DNAJC16: variants seen among roughly 807,000 people sequenced by gnomAD.
DNAJC16 encodes dnaJ homolog subfamily C member 16.
In DNAJC16, 76 loss-of-function variants were observed where a neutral mutation model predicts 92.7. The observed-to-expected ratio is 0.82, with a 90% CI of 0.68 to 0.99. The LOEUF (loss-of-function observed/expected upper bound fraction) is 0.99. Among genes scored for constraint, DNAJC16 ranks in the 50% least tolerant of loss-of-function variants. The pLI is 0.00. For synonymous variants in DNAJC16, 328 were observed against 358.7 expected (o/e 0.91, Z 0.97); for missense variants, 869 against 942.4 (o/e 0.92, Z 1.02).
At chr1:15,552,583 G>T (rs1156927780) in intron 7 of DNAJC16, among the ~76,000 whole-genome samples, 1 of 151,896 alleles carries the variant, frequency 6.6e-6, no homozygotes, top group Admixed American at 6.6e-5. Context: ...AATAATACAT[G>T]AGTAAAAGAT....
intron 13 of DNAJC16, 58 bp from the exon 14 acceptor site, chr1:15,567,041 A>G (rs1302166008): frequency 2.0e-6 from 3 of 1,519,074 alleles, no homozygotes; most frequent in Admixed American, 1.8e-5. Flanking sequence ...TTTCTTTTCA[A>G]AGTAACGGCT....
In DNAJC16 at chr1:15,555,660, C is replaced by T. The variant is rs541610027; in HGVS notation, c.1024-3866C>T. On this transcript the variant is annotated intron_variant, in intron 7 of 14. Coordinates refer to ENST00000375847, the MANE Select transcript of DNAJC16 (RefSeq NM_015291.4). ...TCACACCACTGCACTCCAGCCTGGG[C>T]GACAGAGTGAGACTCCGTCTCAAAA... is the stretch of plus-strand genomic sequence containing the variant. Among the ~76,000 whole-genome samples, 5 of 138,288 alleles carry T rather than the reference C, an allele frequency of 3.6e-5. No homozygotes were observed. In the South Asian group the frequency reaches 9.1e-4, roughly 25 times the overall value. 90.7% of individuals were successfully genotyped at this position (138,288 alleles called of 152,430 possible).
At chr1:15,528,449 AAAACACCAT>A (rs1474985933) in intron 1 of DNAJC16, among the ~76,000 whole-genome samples, 1 of 152,160 alleles carries the variant, frequency 6.6e-6, no homozygotes, top group African/African-American at 2.4e-5. Context: ...AAAAAACAAA[AAAACACCAT>A]ATTACTAATG....
In DNAJC16 at chr1:15,567,099, C is replaced by T. The variant is rs757645004; in HGVS notation, c.1779C>T (p.Ser593=). Residue 593 remains serine (S), a splice_region_variant and synonymous_variant, in exon 14 of 15, where the codon AGC becomes AGT. Coordinates refer to ENST00000375847, the MANE Select transcript of DNAJC16 (RefSeq NM_015291.4). ...TTAACTCCTCAATATTTCTCCACAG[C>T]AAGATTCCTAAAAAAGGCTTTGTGG... ...TEPSFTKENS[S]KIPKKGFVEV... The T allele has an allele frequency of 3.1e-6, 5 of 1,605,772 alleles. No individual in the cohort carries two copies. The African/African-American group carries it at 6.7e-5, about 21-fold the overall frequency.
chr1:15,549,816 T>TG (rs1638401212), intron 7 of DNAJC16, among the ~76,000 whole-genome samples: 1 of 77,944 alleles, frequency 1.3e-5, no homozygotes, highest in Non-Finnish European at 2.3e-5. Context: ...AGACTCCGTC[T>TG]CAAAAAAAAA....
In DNAJC16 at chr1:15,567,339, C is replaced by T. The variant is rs189929507; in HGVS notation, c.1949+70C>T. The T allele has an allele frequency of 1.4e-4, 204 of 1,497,246 alleles. 2 individuals carry two copies. The African/African-American group carries it at 1.8e-3, about 14-fold the overall frequency. The allele number at this position is 1,497,246 out of a possible 1,614,324, so 92.7% of individuals were successfully genotyped here. The stretch of plus-strand genomic sequence containing the variant: ...GAGAGGCAGGCACACTGAAATTGCA[C>T]GCTTTTCTCTTTGGTCTTGTGGGGC... On this transcript the variant is annotated intron_variant, in intron 14 of 14. Coordinates refer to ENST00000375847, the MANE Select transcript of DNAJC16 (RefSeq NM_015291.4).
At chr1:15,544,844 T>C (rs1011504294) in intron 5 of DNAJC16, among the ~76,000 whole-genome samples, 5 of 152,222 alleles carry the variant, frequency 3.3e-5, no homozygotes, top group Admixed American at 2.6e-4. Context: ...TACACTGTCA[T>C]AGGAATCTGA....
intron 13 of DNAJC16, 163 bp from the exon 14 acceptor site, chr1:15,566,936 C>G (rs1347098465): frequency 1.7e-6 from 1 of 576,092 alleles, no homozygotes; most frequent in Non-Finnish European, 3.0e-6. Context: ...CAGGGATTAC[C>G]AAGTCAGGCC....
chr1:15,555,074 T>A (rs543004430), intron 7 of DNAJC16, among the ~76,000 whole-genome samples: 75 of 149,392 alleles, frequency 5.0e-4, no homozygotes, highest in African/African-American at 1.7e-3. Flanking sequence ...GCAGAAAAAA[T>A]TTTTTTAAAA....
intron 1 of DNAJC16, among the ~76,000 whole-genome samples, chr1:15,527,523 A>G (rs549606119): frequency 1.1e-4 from 16 of 152,210 alleles, no homozygotes; most frequent in Non-Finnish European, 2.2e-4. Flanking sequence ...AAGGACGCTG[A>G]TGCTTAGTAA....
intron 7 of DNAJC16, among the ~76,000 whole-genome samples, chr1:15,558,917 G>A (rs990715810): frequency 2.0e-5 from 3 of 152,086 alleles, no homozygotes; most frequent in African/African-American, 7.2e-5. Context: ...TTTTCGTTTT[G>A]GGTTTTTGTT....
In DNAJC16 at chr1:15,539,269, G is replaced by A. The variant is rs367822672; in HGVS notation, c.574+2455G>A. Among the ~76,000 whole-genome samples the A allele has an allele frequency of 6.4e-4, 96 of 149,656 alleles. 1 individual carries two copies. In the South Asian group the frequency reaches 0.02, roughly 32 times the overall value. ...TTTTTTTTTTTTATTTTTTTGAGACGGAGGCTCTCTCTGTCGCCCAGGCTG... is the reference window on the plus strand; with the variant it reads ...TTTTTTTTTTTTATTTTTTTGAGACAGAGGCTCTCTCTGTCGCCCAGGCTG... On this transcript the variant is annotated intron_variant, in intron 4 of 14. Transcript: ENST00000375847.
chr1:15,539,348 C>T (rs555647448), intron 4 of DNAJC16, among the ~76,000 whole-genome samples: 23 of 151,914 alleles, frequency 1.5e-4, no homozygotes, highest in Non-Finnish European at 2.5e-4. Context: ...CAGGTTCACA[C>T]CGTTCTCCTG....
chr1:15,568,468 C>T lies in DNAJC16; in HGVS notation c.*291C>T, dbSNP rs1046441375. ...TCCCCTCTTCCTTTCTTGTCCTTGT[C>T]CCATGCTCACCCCACCCTCCTGTCC... On this transcript the variant is annotated 3_prime_UTR_variant, in exon 15 of 15. Transcript: ENST00000375847. 4.0e-6 allele frequency: 2 copies of T among 498,608 alleles called. No homozygotes were observed. The highest frequency in any genetic ancestry group is 1.9e-5 in the African/African-American group (1 of 51,464). 30.9% of individuals were successfully genotyped at this position (498,608 alleles called of 1,614,324 possible).
intron 3 of DNAJC16, among the ~76,000 whole-genome samples, chr1:15,536,072 CT>C (rs758451008): frequency 4.4e-4 from 37 of 84,572 alleles, no homozygotes; most frequent in Middle Eastern, 6.0e-3. Flanking sequence ...CTTTTCTTTT[CT>C]TTTTTTTTTT....
chr1:15,568,917 C>T lies in DNAJC16; in HGVS notation c.*740C>T, dbSNP rs1482281684. 1.8e-5 allele frequency: 7 copies of T among 389,128 alleles called. No individual in the cohort carries two copies. Among genetic ancestry groups the T allele is most frequent in the Non-Finnish European group, 3.2e-5 (7 of 220,136 alleles). 24.1% of individuals were successfully genotyped at this position (389,128 alleles called of 1,614,324 possible). On this transcript the variant is annotated 3_prime_UTR_variant, in exon 15 of 15. Coordinates refer to ENST00000375847, the MANE Select transcript of DNAJC16 (RefSeq NM_015291.4). ...CCGCCGCCCCAGCGCTGCTGGTAGCCAGGGGAGGGGTCTGCACAGCGAGAA... is the reference window on the plus strand; with the variant it reads ...CCGCCGCCCCAGCGCTGCTGGTAGCTAGGGGAGGGGTCTGCACAGCGAGAA...
At chr1:15,530,266 A>G (rs776755148) in intron 2 of DNAJC16, among the ~76,000 whole-genome samples, 2 of 151,834 alleles carry the variant, frequency 1.3e-5, no homozygotes, top group African/African-American at 2.4e-5. Context: ...AAAAAAAAAA[A>G]AAGCCCAGAA....
rs78309148 is a variant in DNAJC16 at position 15,544,528 on chromosome 1, G to A, written c.704G>A (p.Arg235His). 1.9e-4 allele frequency: 304 copies of A among 1,614,150 alleles called. 1 individual carries two copies. In the African/African-American group the frequency reaches 3.5e-3, roughly 18 times the overall value. ...KISFFHNAVVRENLRQFVESL... is the reference protein window; with the variant it reads ...KISFFHNAVVHENLRQFVESL... ...TCCTTCTTCCACAATGCAGTTGTCC[G>A]TGAAAATCTGCGACAATTTGTAGAA... Residue 235 changes from arginine to histidine, a missense_variant, in exon 5 of 15, where the codon CGT becomes CAT. Arg to His is a conservative substitution (Grantham distance 29). Transcript: ENST00000375847.
At chr1:15,555,675 C>T (rs148569899) in intron 7 of DNAJC16, among the ~76,000 whole-genome samples, 3,753 of 141,160 alleles carry the variant, frequency 0.027, 159 homozygotes, top group Admixed American at 0.11. Context: ...GAGTGAGACT[C>T]CGTCTCAAAA....
Sources: gnomAD v4.1 joint callset for allele counts (sites outside exome capture counted in the v4.1 genomes callset) on GRCh38, gnomAD v4.1.1 for gene constraint, MANE v1.5 for transcripts, NCBI Gene and HGNC (gene_info 2026-07-23, HGNC 2026-07-21) for gene names.